Variants in LYRM7 observed in about 807,000 individuals in gnomAD.
LYRM7 encodes the protein LYR motif containing 7, also known as complex III assembly factor LYRM7.
A neutral mutation model predicts 15.8 loss-of-function variants in LYRM7; 9 were observed. The observed-to-expected ratio is 0.57, with a 90% CI of 0.34 to 0.99. LYRM7 has a LOEUF of 0.99. Ranked by LOEUF, LYRM7 falls within the 50% of genes least tolerant of loss-of-function variation. The pLI is 0.02. For missense variants in LYRM7, 115 were observed against 119.1 expected, an observed-to-expected ratio of 0.97 and a Z score of 0.16; for synonymous variants, 39 against 39.4, an observed-to-expected ratio of 0.99 and a Z score of 0.04.
At chr5:131,185,185 C>A (rs1242348341) in intron 3 of LYRM7, among the ~76,000 whole-genome samples, 4 of 152,074 alleles carry the variant, frequency 2.6e-5, no homozygotes, top group Non-Finnish European at 4.4e-5. Context: ...AAAGGCATAT[C>A]TCAGCACTCT....
rs1309604407 is a variant in LYRM7, at chr5:131,181,440, G to GTA, written c.92-778_92-777dup. On this transcript the variant is annotated intron_variant, in intron 2 of 4. Coordinates refer to ENST00000379380, the MANE Select transcript of LYRM7 (RefSeq NM_181705.4). ...GTTTATATATATATAACATATATAT[G>GTA]TATATATATATAAAACATATATATG... Among the ~76,000 whole-genome samples, 49 of 104,090 alleles carry GTA rather than the reference G, an allele frequency of 4.7e-4. No homozygotes were observed. The South Asian group carries it at 5.3e-3, about 11-fold the overall frequency. 68.3% of individuals were successfully genotyped at this position (104,090 alleles called of 152,430 possible).
intron 4 of LYRM7, among the ~76,000 whole-genome samples, chr5:131,192,906 C>T (rs1194777175): frequency 2.0e-5 from 3 of 152,008 alleles, no homozygotes. Flanking sequence ...TATTAGTCGC[C>T]TGGTTTCAGT....
Position 131,180,313 on chromosome 5 carries a change from T to G in LYRM7, c.91+146T>G, listed in dbSNP as rs60745433. 0.047 allele frequency: 21,853 copies of G among 466,812 alleles called. 1,247 individuals are homozygous for G. Among genetic ancestry groups the G allele is most frequent in the African/African-American group, 0.19 (9,465 of 48,930 alleles). 28.9% of individuals were successfully genotyped at this position (466,812 alleles called of 1,614,324 possible). A position where few individuals can be genotyped will look rare whatever the true frequency, so the allele number is the denominator to read the frequency against. On this transcript the variant is annotated intron_variant, in intron 2 of 4. Transcript: ENST00000379380. ...TATCTTTTATAAAGATTAGCTTATA[T>G]TACACTTATTTGAGAAATATCTACT...
At chr5:131,186,972 T>G in intron 3 of LYRM7, 56 bp from the exon 4 acceptor site, 3 of 957,318 alleles carry the variant, frequency 3.1e-6, no homozygotes, top group Non-Finnish European at 4.9e-6. Flanking sequence ...TCAAAAACAG[T>G]ACATTCATAT....
Position 131,202,332 on chromosome 5 carries a change from T to C in LYRM7, c.*2731T>C, listed in dbSNP as rs893889922. 5 of 151,754 alleles carry C rather than the reference T, an allele frequency of 3.3e-5. No individual in the cohort carries two copies. Among genetic ancestry groups the C allele is most frequent in the African/African-American group, 1.2e-4 (5 of 41,294 alleles). The allele number at this position is 151,754 out of a possible 1,614,324, so 9.4% of individuals were successfully genotyped here. ...CAACGTGGAGAAACCCCATCTCTAT[T>C]AAAAATGCAAAATTAGCAGGACATG... On this transcript the variant is annotated 3_prime_UTR_variant, in exon 5 of 5. Coordinates refer to ENST00000379380, the MANE Select transcript of LYRM7 (RefSeq NM_181705.4).
intron 1 of LYRM7, among the ~76,000 whole-genome samples, chr5:131,176,486 G>A (rs1030471443): frequency 6.7e-6 from 1 of 149,070 alleles, no homozygotes; most frequent in African/African-American, 2.5e-5. Context: ...ACATGACATT[G>A]AACATCTTTT....
chr5:131,189,635 G>T (rs1031929985), intron 4 of LYRM7, among the ~76,000 whole-genome samples: 1 of 151,854 alleles, frequency 6.6e-6, no homozygotes, highest in Non-Finnish European at 1.5e-5. Flanking sequence ...TACTCTACAG[G>T]ATCACCTTTG....
chr5:131,192,227 G>T (rs1426094474), intron 4 of LYRM7, among the ~76,000 whole-genome samples: 1 of 152,042 alleles, frequency 6.6e-6, no homozygotes, highest in Non-Finnish European at 1.5e-5. Flanking sequence ...ACCTAAAAAA[G>T]TTCAACTTAT....
At chr5:131,193,836 C>T (rs1220220890) in intron 4 of LYRM7, among the ~76,000 whole-genome samples, 4 of 152,076 alleles carry the variant, frequency 2.6e-5, no homozygotes, top group Non-Finnish European at 5.9e-5. Context: ...ATGGAGAAAC[C>T]TCATCTCTAC....
At chr5:131,192,952 A>ATTTATGAT (rs1353659344) in intron 4 of LYRM7, among the ~76,000 whole-genome samples, 2 of 152,164 alleles carry the variant, frequency 1.3e-5, no homozygotes, top group African/African-American at 4.8e-5. Flanking sequence ...TTTCATTCGT[A>ATTTATGAT]CAAATTTATG....
chr5:131,190,074 C>G (rs1209325980), intron 4 of LYRM7, among the ~76,000 whole-genome samples: 1 of 148,514 alleles, frequency 6.7e-6, no homozygotes, highest in East Asian at 2.0e-4. Context: ...GCGGATATTG[C>G]AATGACCCGA....
chr5:131,190,380 G>C (rs1406184973), intron 4 of LYRM7, among the ~76,000 whole-genome samples: 4 of 151,960 alleles, frequency 2.6e-5, no homozygotes, highest in African/African-American at 9.7e-5. Context: ...ATTTTTAGTA[G>C]AGACGGAGTT....
At chr5:131,179,945 T>A (rs1264129227) in intron 1 of LYRM7, 150 bp from the exon 2 acceptor site, 9 of 417,756 alleles carry the variant, frequency 2.2e-5, no homozygotes, top group East Asian at 4.6e-5. Context: ...CAAAAAAAAA[T>A]TTTTTTTTTG....
rs78421091 is a variant in LYRM7 at position 131,184,493 on chromosome 5, C to T, written c.162+2194C>T. Among the ~76,000 whole-genome samples the T allele has an allele frequency of 8.4e-3, 1,278 of 152,190 alleles. 16 individuals are homozygous for T. The highest frequency in any genetic ancestry group is 0.03 in the African/African-American group (1,231 of 41,512). On this transcript the variant is annotated intron_variant, in intron 3 of 4. Transcript: ENST00000379380. Reference sequence around the variant, plus strand: ...AAGTTCTGGGATTACAGGCATAAGCCACGTAATTGTGAATATTTTTTAATA... The same window carrying T: ...AAGTTCTGGGATTACAGGCATAAGCTACGTAATTGTGAATATTTTTTAATA...
chr5:131,197,353 T>G (rs1300262324), intron 4 of LYRM7, among the ~76,000 whole-genome samples: 3 of 152,092 alleles, frequency 2.0e-5, no homozygotes, highest in Non-Finnish European at 4.4e-5. Context: ...TCTCCATAGG[T>G]TTGGTAAAAG....
intron 4 of LYRM7, among the ~76,000 whole-genome samples, chr5:131,195,733 A>G (rs1755953111): frequency 6.6e-6 from 1 of 152,174 alleles, no homozygotes; most frequent in Non-Finnish European, 1.5e-5. Context: ...CTGGAAACCA[A>G]TTTGAAGCTT....
chr5:131,192,082 A>ACACACAC (rs1554090659), intron 4 of LYRM7, among the ~76,000 whole-genome samples: 1 of 141,406 alleles, frequency 7.1e-6, no homozygotes, highest in Non-Finnish European at 1.6e-5. Flanking sequence ...CACACACACA[A>ACACACAC]TGCAATATTA....
chr5:131,178,663 T>A (rs997245266), intron 1 of LYRM7, among the ~76,000 whole-genome samples: 1 of 152,122 alleles, frequency 6.6e-6, no homozygotes, highest in Admixed American at 6.6e-5. Context: ...TTATCTTTTA[T>A]GAAATAGCAA....
rs1445829000 is a variant in LYRM7, at chr5:131,181,119, C to T, written c.91+952C>T. 2.0e-5 allele frequency among the ~76,000 whole-genome samples: 3 copies of T among 149,102 alleles called. 1 individual carries two copies. Among genetic ancestry groups the T allele is most frequent in the South Asian group, 4.3e-4 (2 of 4,690 alleles). ...CAGCCTGGCCAACATGGTGAAACCC[C>T]ACCTCTACTAAAAATACAAAAATTA... On this transcript the variant is annotated intron_variant, in intron 2 of 4. Transcript: ENST00000379380.
Sources: allele counts gnomAD v4.1 joint callset (sites outside exome capture counted in the v4.1 genomes callset), GRCh38; gene constraint gnomAD v4.1.1; transcripts MANE v1.5; gene names NCBI Gene and HGNC (gene_info 2026-07-23, HGNC 2026-07-21).